TNFAIP8: variants seen among roughly 807,000 people sequenced by gnomAD.
TNFAIP8 encodes TNF alpha induced protein 8, also known as tumor necrosis factor alpha-induced protein 8.
A neutral mutation model predicts 13.3 loss-of-function variants in TNFAIP8; 7 were observed. That is an observed-to-expected ratio of 0.52 (90% CI 0.30 to 0.99). TNFAIP8 has a LOEUF of 0.99. Ranked by LOEUF, TNFAIP8 falls within the 50% of genes least tolerant of loss-of-function variation. The pLI is 0.07. For synonymous variants in TNFAIP8, 94 were observed against 87.6 expected, an observed-to-expected ratio of 1.07 and a Z score of -0.41; for missense variants, 258 against 236.9, an observed-to-expected ratio of 1.09 and a Z score of -0.58.
intron 1 of TNFAIP8, among the ~76,000 whole-genome samples, 191 bp downstream of exon 1, chr5:119,356,312 C>T (rs1581638774): frequency 2.0e-5 from 3 of 152,194 alleles, no homozygotes; most frequent in Non-Finnish European, 2.9e-5. Context: ...TCTCCCCCCG[C>T]AGCCGTTCAG....
intron 1 of TNFAIP8, among the ~76,000 whole-genome samples, chr5:119,365,215 T>C (rs754451968): frequency 6.6e-6 from 1 of 152,174 alleles, no homozygotes; most frequent in Non-Finnish European, 1.5e-5. Context: ...TATTTTTTTC[T>C]TCCTGTGACA....
intron 1 of TNFAIP8, among the ~76,000 whole-genome samples, chr5:119,357,244 G>A (rs552129320): frequency 2.6e-5 from 4 of 152,272 alleles, no homozygotes; most frequent in Admixed American, 1.3e-4. Flanking sequence ...ATAGAAATAC[G>A]GGGCTGGCAT....
chr5:119,368,641 CTG>C (rs763612677), intron 1 of TNFAIP8, among the ~76,000 whole-genome samples: 19 of 152,216 alleles, frequency 1.2e-4, no homozygotes, highest in Non-Finnish European at 2.1e-4. Context: ...AAATAAGAAA[CTG>C]TGCCAGGGAA....
intron 1 of TNFAIP8, among the ~76,000 whole-genome samples, chr5:119,343,881 T>C (rs1750815048): frequency 6.6e-6 from 1 of 152,202 alleles, no homozygotes; most frequent in South Asian, 2.1e-4. Context: ...CAGGGTGTCA[T>C]GATTCATCAT....
chr5:119,287,439 C>CGT (rs757103362), intron 1 of TNFAIP8, among the ~76,000 whole-genome samples: 2 of 151,978 alleles, frequency 1.3e-5, no homozygotes, highest in African/African-American at 2.4e-5. Flanking sequence ...ACATAGTTAC[C>CGT]GTGTGTGTGT....
At chr5:119,285,378 G>A (rs767045463) in intron 1 of TNFAIP8, among the ~76,000 whole-genome samples, 3 of 152,180 alleles carry the variant, frequency 2.0e-5, no homozygotes, top group Non-Finnish European at 4.4e-5. Context: ...GGTAGAGCCA[G>A]AGGGGTAGTA....
At chr5:119,314,907 C>T (rs6867214) in intron 1 of TNFAIP8, among the ~76,000 whole-genome samples, 48,244 of 151,788 alleles carry the variant, frequency 0.32, 9,546 homozygotes, top group African/African-American at 0.57. Context: ...TATTTTTTTT[C>T]ATTATTTTCT....
intron 1 of TNFAIP8, among the ~76,000 whole-genome samples, chr5:119,287,878 A>T (rs945279969): frequency 3.9e-5 from 6 of 152,184 alleles, no homozygotes; most frequent in African/African-American, 1.4e-4. Flanking sequence ...AAACTTGAAA[A>T]TTGTGGCTTT....
At chr5:119,307,623 A>G (rs1433823047) in intron 1 of TNFAIP8, among the ~76,000 whole-genome samples, 1 of 152,248 alleles carries the variant, frequency 6.6e-6, no homozygotes, top group Non-Finnish European at 1.5e-5. Flanking sequence ...TTTTTTAACA[A>G]TTCTCAATTG....
upstream of TNFAIP8, chr5:119,355,128 G>A (rs1191456351): frequency 3.4e-6 from 2 of 581,346 alleles, no homozygotes; most frequent in Admixed American, 2.9e-5. Flanking sequence ...GCCAGACCCG[G>A]GGGCAGAATT....
rs1321400200 is a variant in TNFAIP8, at chr5:119,393,672, C to T, written c.*291C>T. ...AAGAAAAATACAGATGTCTCCAGAC[C>T]TGAGGACTTTTTAATAGGGCAGTTG... On this transcript the variant is annotated 3_prime_UTR_variant, in exon 2 of 2. Coordinates refer to ENST00000504771, the MANE Select transcript of TNFAIP8 (RefSeq NM_014350.4). The T allele has an allele frequency of 1.9e-5, 6 of 312,420 alleles. No homozygotes were observed. The highest frequency in any genetic ancestry group is 3.6e-5 in the Non-Finnish European group (6 of 166,904). 19.4% of individuals were successfully genotyped at this position (312,420 alleles called of 1,614,324 possible).
At chr5:119,304,546 A>G (rs1749494556) in intron 1 of TNFAIP8, among the ~76,000 whole-genome samples, 1 of 152,212 alleles carries the variant, frequency 6.6e-6, no homozygotes, top group Admixed American at 6.5e-5. Context: ...ACCATAGGCA[A>G]AGTCCTTAAA....
chr5:119,398,033 C>G lies in TNFAIP8; in HGVS notation c.*4652C>G, dbSNP rs1358893473. ...ATATGGACAAGTCAGTCAGCATTCA[C>G]AATTAAGAGAAAAACATCTGTGCTT... On this transcript the variant is annotated 3_prime_UTR_variant, in exon 2 of 2. Coordinates refer to ENST00000504771, the MANE Select transcript of TNFAIP8 (RefSeq NM_014350.4). 1 of 152,202 alleles carries G rather than the reference C, an allele frequency of 6.6e-6. No individual in the cohort carries two copies. Among genetic ancestry groups the G allele is most frequent in the Non-Finnish European group, 1.5e-5 (1 of 68,040 alleles). The allele number at this position is 152,202 out of a possible 1,614,324, so 9.4% of individuals were successfully genotyped here. A position where few individuals can be genotyped will look rare whatever the true frequency, so the allele number is the denominator to read the frequency against.
chr5:119,332,053 A>T (rs250307), intron 1 of TNFAIP8, among the ~76,000 whole-genome samples: 24,789 of 152,170 alleles, frequency 0.16, 2,644 homozygotes, highest in East Asian at 0.47. Flanking sequence ...GAACACAAAA[A>T]TATGGTTTCT....
chr5:119,327,754 C>T (rs892572823), intron 1 of TNFAIP8, among the ~76,000 whole-genome samples: 6 of 152,128 alleles, frequency 3.9e-5, no homozygotes, highest in South Asian at 2.1e-4. Flanking sequence ...CCACCGTGCC[C>T]GGCCGCGTTA....
intron 1 of TNFAIP8, among the ~76,000 whole-genome samples, chr5:119,350,662 T>C (rs1751090080): frequency 6.6e-6 from 1 of 152,232 alleles, no homozygotes; most frequent in African/African-American, 2.4e-5. Context: ...TGTGTGCTCA[T>C]CTCCGATGTC....
chr5:119,273,265 C>T (rs116741705), intron 1 of TNFAIP8, among the ~76,000 whole-genome samples: 76 of 152,272 alleles, frequency 5.0e-4, no homozygotes, highest in South Asian at 1.0e-3. Context: ...AGAAGGCACC[C>T]ATTAAGTGGA....
rs558770351 is a variant in TNFAIP8, at chr5:119,308,274, G to GA, written c.1+39369dup. On this transcript the variant is annotated intron_variant, in intron 1 of 1. Coordinates refer to the TNFAIP8 transcript ENST00000274456. ...CTGCCGCCTGTGAACTCTCCTAGGG[G>GA]AATCTGTATCATTTCCCAAGGGCTT... 3.9e-4 allele frequency among the ~76,000 whole-genome samples: 60 copies of GA among 152,244 alleles called. 1 individual carries two copies. In the South Asian group the frequency reaches 0.012, roughly 31 times the overall value.
chr5:119,366,367 T>C (rs962529685), intron 1 of TNFAIP8, among the ~76,000 whole-genome samples: 2 of 152,092 alleles, frequency 1.3e-5, no homozygotes, highest in African/African-American at 2.4e-5. Flanking sequence ...TCTCTAGTGC[T>C]TCTGAGGCAG....
Sources: gnomAD v4.1 joint callset for allele counts (sites outside exome capture counted in the v4.1 genomes callset) on GRCh38, gnomAD v4.1.1 for gene constraint, MANE v1.5 for transcripts, NCBI Gene and HGNC (gene_info 2026-07-23, HGNC 2026-07-21) for gene names.